The following SOX6 variants were observed in gnomAD, a reference collection of about 807,000 sequenced individuals.
SOX6 encodes the protein transcription factor SOX-6.
In SOX6, 11 loss-of-function variants were observed where a neutral mutation model predicts 97.8. That is an observed-to-expected ratio of 0.11 (90% CI 0.07 to 0.19). SOX6 has a LOEUF of 0.19. Ranked by LOEUF, SOX6 falls within the 10% of genes least tolerant of loss-of-function variation. The pLI, the probability that SOX6 is intolerant of heterozygous loss-of-function variation, is 1.00. For missense variants in SOX6, 810 were observed against 1,039.5 expected, an observed-to-expected ratio of 0.78 and a Z score of 3.04; for synonymous variants, 360 against 371.4, an observed-to-expected ratio of 0.97 and a Z score of 0.35.
At chr11:16,420,289 TG>T (rs1376517305) in intron 1 of SOX6, among the ~76,000 whole-genome samples, 2 of 152,338 alleles carry the variant, frequency 1.3e-5, no homozygotes, top group Non-Finnish European at 2.9e-5. Context: ...TGTCTAATTC[TG>T]GATTGCATTT....
intron 3 of SOX6, among the ~76,000 whole-genome samples, chr11:16,270,820 A>C (rs1235716641): frequency 6.6e-6 from 1 of 151,496 alleles, no homozygotes; most frequent in African/African-American, 2.4e-5. Flanking sequence ...GAATAAGTAG[A>C]TTCATAGAGA....
chr11:16,444,768 G>T lies in SOX6; in HGVS notation c.-5+31547C>A, dbSNP rs186064043. On this transcript the variant is annotated intron_variant, in intron 1 of 15. Coordinates refer to the SOX6 transcript ENST00000396356. ...ACTATTTAATAAGAGGTTAAAGAGA[G>T]AAGCAAAATGTGTATCTTTGTTAGA... is the stretch of plus-strand genomic sequence containing the variant. 7.9e-5 allele frequency among the ~76,000 whole-genome samples: 12 copies of T among 152,182 alleles called. No homozygotes were observed. In the East Asian group the frequency reaches 2.1e-3, roughly 27 times the overall value.
intron 2 of SOX6, among the ~76,000 whole-genome samples, chr11:16,718,978 TAAAA>T (rs558276025): frequency 2.3e-5 from 2 of 86,834 alleles, no homozygotes; most frequent in Admixed American, 1.2e-4. Context: ...TTTTTAAAAT[TAAAA>T]AAAAAAAAAA....
chr11:16,501,939 T>C (rs891636672), intron 4 of SOX6, among the ~76,000 whole-genome samples: 1 of 152,216 alleles, frequency 6.6e-6, no homozygotes, highest in Non-Finnish European at 1.5e-5. Flanking sequence ...AAATACCATT[T>C]GACCCAGCCA....
chr11:16,322,059 T>C (rs1855943777), intron 2 of SOX6, among the ~76,000 whole-genome samples: 2 of 152,134 alleles, frequency 1.3e-5, no homozygotes, highest in South Asian at 2.1e-4. Context: ...AAGGAGGCTA[T>C]GTAACTTTAA....
intron 4 of SOX6, among the ~76,000 whole-genome samples, chr11:16,541,967 T>A (rs1861416165): frequency 6.6e-6 from 1 of 152,214 alleles, no homozygotes; most frequent in Non-Finnish European, 1.5e-5. Flanking sequence ...TTACTGGGTA[T>A]ATACCCAAAG....
Position 16,663,129 on chromosome 11 carries a change from T to A in SOX6, n.430-50869A>T, listed in dbSNP as rs891019482. ...AAGGTATGTATGGCAGGGGAAGTTA[T>A]AATTAACATTCATAATAGTCAAATA... On this transcript the variant is annotated intron_variant and non_coding_transcript_variant, in intron 3 of 5. Transcript: ENST00000524520. Among the ~76,000 whole-genome samples the A allele has an allele frequency of 9.7e-4, 148 of 152,018 alleles. 1 individual carries two copies. The highest frequency in any genetic ancestry group is 3.4e-3 in the African/African-American group (141 of 41,476).
intron 3 of SOX6, among the ~76,000 whole-genome samples, chr11:16,708,579 A>G (rs1244226515): frequency 6.6e-6 from 1 of 152,198 alleles, no homozygotes; most frequent in Non-Finnish European, 1.5e-5. Context: ...ATTATTAGAG[A>G]GCAAGATCTC....
chr11:16,398,087 T>C (rs1397886319), intron 1 of SOX6, among the ~76,000 whole-genome samples: 2 of 151,516 alleles, frequency 1.3e-5, no homozygotes, highest in East Asian at 1.9e-4. Context: ...TGCATCAGAA[T>C]AATCTGGGAT....
chr11:16,389,968 T>TGAAAAAAAAAAA (rs1858116093), intron 1 of SOX6, among the ~76,000 whole-genome samples: 1 of 27,666 alleles, frequency 3.6e-5, no homozygotes, highest in Non-Finnish European at 6.1e-5. Context: ...AGACTCCGTC[T>TGAAAAAAAAAAA]TAAAAAAAAA....
intron 3 of SOX6, among the ~76,000 whole-genome samples, chr11:16,654,316 A>G (rs1224196749): frequency 6.6e-6 from 1 of 152,160 alleles, no homozygotes; most frequent in Non-Finnish European, 1.5e-5. Context: ...CTACAGGCAC[A>G]TACCGCCATG....
At chr11:16,517,203 C>A (rs1324660052) in intron 4 of SOX6, among the ~76,000 whole-genome samples, 1 of 152,092 alleles carries the variant, frequency 6.6e-6, no homozygotes, top group Non-Finnish European at 1.5e-5. Context: ...CTATCTGTGA[C>A]AAACCCACAG....
intron 1 of SOX6, among the ~76,000 whole-genome samples, chr11:16,392,880 C>T (rs994517902): frequency 1.3e-5 from 2 of 152,094 alleles, no homozygotes; most frequent in African/African-American, 4.8e-5. Flanking sequence ...TAAGTTGACT[C>T]ACTTCCCTGT....
chr11:16,115,899 T>C (rs1386200295), intron 6 of SOX6, among the ~76,000 whole-genome samples: 1 of 152,236 alleles, frequency 6.6e-6, no homozygotes, highest in Non-Finnish European at 1.5e-5. Flanking sequence ...CCTTCCTTTC[T>C]ATTTTTATTT....
chr11:15,980,501 C>A (rs920062378), intron 15 of SOX6, among the ~76,000 whole-genome samples: 4 of 152,028 alleles, frequency 2.6e-5, no homozygotes, highest in African/African-American at 9.7e-5. Context: ...ACTAAAAAAA[C>A]CACACTAACT....
intron 3 of SOX6, among the ~76,000 whole-genome samples, chr11:16,616,369 G>A (rs981441151): frequency 1.4e-4 from 22 of 151,996 alleles, no homozygotes; most frequent in African/African-American, 5.1e-4. Flanking sequence ...TGTTAGCATT[G>A]TGTTTAAAAC....
At chr11:16,571,939 C>G (rs557489839) in intron 4 of SOX6, among the ~76,000 whole-genome samples, 1 of 152,318 alleles carries the variant, frequency 6.6e-6, no homozygotes, top group African/African-American at 2.4e-5. Flanking sequence ...AGGCGTGAGC[C>G]ACTGTTCCCA....
At chr11:16,719,492 A>C (rs1848243141) in intron 2 of SOX6, among the ~76,000 whole-genome samples, 1 of 152,180 alleles carries the variant, frequency 6.6e-6, no homozygotes, top group South Asian at 2.1e-4. Flanking sequence ...CAAGTCTTTA[A>C]CAAATTTTCC....
intron 4 of SOX6, among the ~76,000 whole-genome samples, chr11:16,230,861 A>G (rs1852826814): frequency 6.6e-6 from 1 of 151,754 alleles, no homozygotes; most frequent in Non-Finnish European, 1.5e-5. Context: ...AAATCAATGG[A>G]ATAGAACCAA....
Sources: allele counts gnomAD v4.1 joint callset (sites outside exome capture counted in the v4.1 genomes callset), GRCh38; gene constraint gnomAD v4.1.1; transcripts MANE v1.5; gene names NCBI Gene and HGNC (gene_info 2026-07-23, HGNC 2026-07-21).